RFX4: variants seen among roughly 807,000 people sequenced by gnomAD.
The protein encoded by RFX4 is regulatory factor X4.
In RFX4, 10 loss-of-function variants were observed where a neutral mutation model predicts 95.0. The observed-to-expected ratio is 0.11, with a 90% CI of 0.06 to 0.18. RFX4 has a LOEUF of 0.18. RFX4 is among the 10% of genes least tolerant of loss of function. RFX4 has a pLI of 1.00. For synonymous variants in RFX4, 321 were observed against 340.7 expected (o/e 0.94, Z 0.64); for missense variants, 640 against 922.0 (o/e 0.69, Z 3.96).
At chr12:106,737,194 TTTTTTTTTG>T in intron 15 of RFX4, among the ~76,000 whole-genome samples, 2 of 106,122 alleles carry the variant, frequency 1.9e-5, no homozygotes, top group African/African-American at 8.6e-5. Context: ...TTTTTTTTTT[TTTTTTTTTG>T]AGGACCAAAT....
Position 106,583,296 on chromosome 12 carries a change from C to G in RFX4, c.-25C>G. On this transcript the variant is annotated 5_prime_UTR_variant, in exon 1 of 18. Coordinates refer to ENST00000392842, the MANE Select transcript of RFX4 (RefSeq NM_213594.3). The stretch of plus-strand genomic sequence containing the variant: ...CCCAAACATCAGGACTTTTGGGGGG[C>G]GCCTGTGCTGTCCATGGGAAGAGCA... 2 of 1,554,956 alleles carry G rather than the reference C, an allele frequency of 1.3e-6. No individual in the cohort carries two copies. Among genetic ancestry groups the G allele is most frequent in the Non-Finnish European group, 1.7e-6 (2 of 1,156,960 alleles).
intron 1 of RFX4, among the ~76,000 whole-genome samples, chr12:106,604,656 G>C (rs1391681813): frequency 6.6e-6 from 1 of 152,014 alleles, no homozygotes; most frequent in Admixed American, 6.6e-5. Context: ...ATTGAGGCCA[G>C]ACTACAGGAA....
Position 106,761,459 on chromosome 12 carries a change from G to A in RFX4, c.2198G>A (p.Trp733Ter), listed in dbSNP as rs765673881. The change falls in exon 18 of 18, where the codon TGG (tryptophan) becomes TAG (stop). Residue 733 changes from tryptophan to a stop codon, truncating the protein, a stop_gained. Coordinates refer to ENST00000392842, the MANE Select transcript of RFX4 (RefSeq NM_213594.3). LOFTEE classifies it high-confidence loss of function. The stretch of plus-strand genomic sequence containing the variant: ...ATCAACGGAGAGGCCTCTACAGGAT[G>A]GGCTAAATGACTGCTATCATAGGCA... ...AYINGEASTGWAK is the reference protein window; with the variant it reads ...AYINGEASTG 1 of 1,600,790 alleles carries A rather than the reference G, an allele frequency of 6.2e-7. No individual in the cohort carries two copies. Among genetic ancestry groups the A allele is most frequent in the Non-Finnish European group, 8.5e-7 (1 of 1,172,816 alleles).
In RFX4 at chr12:106,747,502, G is replaced by A; in HGVS notation, c.1699G>A (p.Glu567Lys). The A allele has an allele frequency of 3.7e-6, 6 of 1,614,184 alleles. No homozygotes were observed. The highest frequency in any genetic ancestry group is 1.1e-5 in the South Asian group (1 of 91,084). Residue 567 changes from glutamate (E) to lysine (K), a missense_variant, in exon 16 of 18, where the codon GAG becomes AAG. Around this residue, in one of 7 missense-constraint regions of RFX4, gnomAD observed 300 missense variants for 346.8 expected, o/e 0.87. Transcript: ENST00000392842. Reference protein sequence around the residue: ...TVTTAAGSPAENSQQLPCMRN... With the variant: ...TVTTAAGSPAKNSQQLPCMRN... ...GACGACGGCTGCTGGGTCCCCAGCT[G>A]AGAACTCCCAACAGCTGCCCTGTAT...
intron 1 of RFX4, among the ~76,000 whole-genome samples, chr12:106,589,109 T>C (rs1462319974): frequency 6.6e-6 from 1 of 152,150 alleles, no homozygotes; most frequent in Non-Finnish European, 1.5e-5. Flanking sequence ...AAACCCCCAA[T>C]GTTGTTTTTA....
chr12:106,685,097 C>T (rs969009071), intron 5 of RFX4, among the ~76,000 whole-genome samples: 1 of 151,676 alleles, frequency 6.6e-6, no homozygotes, highest in East Asian at 2.0e-4. Context: ...GCGAGGTCCA[C>T]GGATGACCTA....
At chr12:106,665,399 A>G (rs1324817989) in intron 4 of RFX4, among the ~76,000 whole-genome samples, 2 of 151,928 alleles carry the variant, frequency 1.3e-5, no homozygotes, top group African/African-American at 4.8e-5. Flanking sequence ...TGGGTTTCTT[A>G]TAGACAACAT....
chr12:106,655,467 G>A (rs531458149), intron 4 of RFX4, among the ~76,000 whole-genome samples: 1 of 152,292 alleles, frequency 6.6e-6, no homozygotes, highest in Admixed American at 6.5e-5. Flanking sequence ...AGTGGCAGTG[G>A]GGACCCAGAA....
intron 10 of RFX4, among the ~76,000 whole-genome samples, chr12:106,712,374 A>C (rs2042207432): frequency 6.6e-6 from 1 of 152,142 alleles, no homozygotes; most frequent in Non-Finnish European, 1.5e-5. Context: ...AAGCTTCTCC[A>C]CAGCAGCCAC....
intron 2 of RFX4, among the ~76,000 whole-genome samples, chr12:106,625,895 G>A (rs1452603896): frequency 6.6e-6 from 1 of 152,194 alleles, no homozygotes; most frequent in Non-Finnish European, 1.5e-5. Flanking sequence ...CTTGTTCAAT[G>A]TCATAGCAAG....
At chr12:106,695,499 G>A (rs949219934) in intron 7 of RFX4, among the ~76,000 whole-genome samples, 5 of 152,146 alleles carry the variant, frequency 3.3e-5, no homozygotes, top group African/African-American at 9.7e-5. Flanking sequence ...CATTCACTCT[G>A]CCCTTCGTTC....
At chr12:106,683,889 G>A (rs2041585777) in intron 5 of RFX4, 1 of 152,080 alleles carries the variant, frequency 6.6e-6, no homozygotes, top group Non-Finnish European at 1.5e-5. Context: ...TTAACCTCGA[G>A]GTTGGCAAAA....
intron 2 of RFX4, among the ~76,000 whole-genome samples, chr12:106,636,944 T>G (rs185828138): frequency 6.6e-6 from 1 of 152,296 alleles, no homozygotes; most frequent in East Asian, 1.9e-4. Context: ...ATCTAGTTAT[T>G]GTGTCATCTC....
At position 106,583,186 on chromosome 12, in the gene RFX4, T is replaced by G. The variant is rs1592819843; in HGVS notation, c.-135T>G. ...CTTTTCCTTTCCTCCTTTATCCTTG[T>G]GCCCCCTCACTTTCTGCGTCTCTCT... On this transcript the variant is annotated 5_prime_UTR_variant, in exon 1 of 18. Coordinates refer to ENST00000392842, the MANE Select transcript of RFX4 (RefSeq NM_213594.3). The G allele has an allele frequency of 2.8e-6, 2 of 718,996 alleles. No homozygotes were observed. The highest frequency in any genetic ancestry group is 3.0e-5 in the East Asian group (1 of 33,040). 44.5% of individuals were successfully genotyped at this position (718,996 alleles called of 1,614,324 possible).
chr12:106,642,489 G>A (rs915018072), intron 3 of RFX4, among the ~76,000 whole-genome samples: 2 of 151,950 alleles, frequency 1.3e-5, no homozygotes, highest in Non-Finnish European at 2.9e-5. Flanking sequence ...GGTGGCATAA[G>A]CCTGCAGTCT....
intron 3 of RFX4, among the ~76,000 whole-genome samples, chr12:106,640,778 C>CT (rs34232717): frequency 0.026 from 3,241 of 123,572 alleles, 191 homozygotes; most frequent in African/African-American, 0.088. Context: ...AATTGACAGA[C>CT]TTTTTTTTTT....
At chr12:106,688,931 T>C (rs2041722505) in intron 6 of RFX4, among the ~76,000 whole-genome samples, 1 of 152,254 alleles carries the variant, frequency 6.6e-6, no homozygotes, top group Non-Finnish European at 1.5e-5. Context: ...CTTAGCTCTA[T>C]GTGCCAGGCA....
chr12:106,601,138 T>A (rs1857816467), intron 1 of RFX4: 1 of 1,438,792 alleles, frequency 7.0e-7, no homozygotes, highest in Non-Finnish European at 9.2e-7. Context: ...ACCTGTGGCG[T>A]TGCCATGGCA....
chr12:106,753,836 A>C (rs2043058925), intron 17 of RFX4, among the ~76,000 whole-genome samples: 1 of 152,154 alleles, frequency 6.6e-6, no homozygotes, highest in South Asian at 2.1e-4. Context: ...GAGCACGCTC[A>C]CTCTATTCTG....
Sources: gnomAD v4.1 joint callset for allele counts (sites outside exome capture counted in the v4.1 genomes callset) on GRCh38, gnomAD v4.1.1 for gene constraint, gnomAD v4.1.1 regional missense constraint, MANE v1.5 for transcripts, NCBI Gene and HGNC (gene_info 2026-07-23, HGNC 2026-07-21) for gene names.